Variants in PPP1R1C observed in about 807,000 individuals in gnomAD.
PPP1R1C encodes the protein protein phosphatase 1 regulatory inhibitor subunit 1C, also known as protein phosphatase 1 regulatory subunit 1C.
PPP1R1C carries 15 observed loss-of-function variants against 17.4 expected under a neutral mutation model. That is an observed-to-expected ratio of 0.86 (90% CI 0.58 to 1.33). The LOEUF (loss-of-function observed/expected upper bound fraction) is 1.33, where lower values mean the gene tolerates loss of function less well. Among genes scored for constraint, PPP1R1C ranks in the 40% most tolerant of loss-of-function variants. The pLI, the probability that PPP1R1C is intolerant of heterozygous loss-of-function variation, is 0.00. For synonymous variants in PPP1R1C, 35 were observed against 43.1 expected, an observed-to-expected ratio of 0.81 and a Z score of 0.73; for missense variants, 143 against 130.0, an observed-to-expected ratio of 1.10 and a Z score of -0.48.
chr2:181,968,255 T>C (rs1013261162), intron 1 of PPP1R1C, among the ~76,000 whole-genome samples: 2 of 152,238 alleles, frequency 1.3e-5, no homozygotes, highest in South Asian at 4.1e-4. Flanking sequence ...CTTTGTTGAT[T>C]TTCTGTTTAG....
intron 2 of PPP1R1C, among the ~76,000 whole-genome samples, chr2:182,002,678 A>G (rs1260172308): frequency 6.6e-6 from 1 of 152,132 alleles, no homozygotes; most frequent in African/African-American, 2.4e-5. Context: ...GAACTGAAAA[A>G]CAAAATATTA....
chr2:182,123,436 C>A (rs1689787411), intron 5 of PPP1R1C, among the ~76,000 whole-genome samples: 1 of 152,180 alleles, frequency 6.6e-6, no homozygotes, highest in Non-Finnish European at 1.5e-5. Context: ...ACACTGTCTT[C>A]CACAATGGTT....
chr2:182,116,144 T>C (rs1689575704), intron 4 of PPP1R1C, among the ~76,000 whole-genome samples: 1 of 152,182 alleles, frequency 6.6e-6, no homozygotes, highest in East Asian at 1.9e-4. Flanking sequence ...AGATAGATTA[T>C]TGTGGAACTG....
At chr2:181,997,122 C>T (rs1041408358) in intron 2 of PPP1R1C, among the ~76,000 whole-genome samples, 2 of 151,420 alleles carry the variant, frequency 1.3e-5, no homozygotes, top group African/African-American at 4.9e-5. Context: ...CCAGCTACTC[C>T]GGAGGCTGAG....
At chr2:181,994,412 A>G (rs1685557810) in intron 2 of PPP1R1C, among the ~76,000 whole-genome samples, 2 of 152,108 alleles carry the variant, frequency 1.3e-5, no homozygotes, top group South Asian at 4.1e-4. Flanking sequence ...TTCATACATC[A>G]TCTCTGTTCT....
chr2:182,067,095 G>A (rs1196974303), intron 4 of PPP1R1C, among the ~76,000 whole-genome samples: 1 of 152,062 alleles, frequency 6.6e-6, no homozygotes, highest in Non-Finnish European at 1.5e-5. Context: ...ACTTAAAAAT[G>A]ACTTTGTAGA....
intron 4 of PPP1R1C, among the ~76,000 whole-genome samples, chr2:182,090,900 A>C (rs1282315968): frequency 6.6e-6 from 1 of 152,190 alleles, no homozygotes; most frequent in African/African-American, 2.4e-5. Context: ...AAAACTTTAA[A>C]GTTTGAGAAT....
chr2:182,101,676 C>T (rs375243439), intron 4 of PPP1R1C, among the ~76,000 whole-genome samples: 17 of 152,288 alleles, frequency 1.1e-4, no homozygotes, highest in African/African-American at 2.6e-4. Context: ...ATCTGTAATA[C>T]GGTGTTGGTA....
intron 2 of PPP1R1C, among the ~76,000 whole-genome samples, chr2:182,034,752 C>T (rs1686951882): frequency 6.6e-6 from 1 of 152,136 alleles, no homozygotes; most frequent in African/African-American, 2.4e-5. Context: ...AAAAGGCAGT[C>T]TCATCAAACT....
chr2:182,065,501 A>G (rs997481616), intron 4 of PPP1R1C, among the ~76,000 whole-genome samples: 2 of 152,148 alleles, frequency 1.3e-5, no homozygotes, highest in Admixed American at 6.5e-5. Flanking sequence ...TAATGATACA[A>G]TTGCTCTGAA....
chr2:182,103,144 T>A (rs1168659250), intron 4 of PPP1R1C, among the ~76,000 whole-genome samples: 1 of 152,074 alleles, frequency 6.6e-6, no homozygotes, highest in Non-Finnish European at 1.5e-5. Context: ...TGTCTAAAAG[T>A]TGGGGGGAGG....
chr2:182,091,222 C>G (rs1029754583), intron 4 of PPP1R1C, among the ~76,000 whole-genome samples: 2 of 152,054 alleles, frequency 1.3e-5, no homozygotes, highest in Non-Finnish European at 2.9e-5. Context: ...GCCCCACACC[C>G]AGAAGAATTA....
chr2:182,009,009 C>T (rs542013486), intron 2 of PPP1R1C, among the ~76,000 whole-genome samples: 3 of 152,262 alleles, frequency 2.0e-5, no homozygotes, highest in Non-Finnish European at 2.9e-5. Flanking sequence ...TTACGTATCA[C>T]ATTTTGTTAT....
chr2:182,048,937 C>G (rs181043941), intron 2 of PPP1R1C: 62 of 152,318 alleles, frequency 4.1e-4, no homozygotes, highest in African/African-American at 1.3e-3. Context: ...AATGGAGAAT[C>G]TGCTGAAATG....
At chr2:182,119,350 G>A (rs1356151482), downstream of PPP1R1C, among the ~76,000 whole-genome samples, 22 of 151,958 alleles carry the variant, frequency 1.4e-4, no homozygotes, top group African/African-American at 2.2e-4. Context: ...ATTGTGAATA[G>A]TGCCGCAATA....
At chr2:182,119,832 A>G (rs1010697024), downstream of PPP1R1C, among the ~76,000 whole-genome samples, 92 of 152,268 alleles carry the variant, frequency 6.0e-4, 1 homozygote, top group African/African-American at 2.1e-3. Context: ...GTAGATTGCA[A>G]AAATGTTCTC....
chr2:182,024,408 A>G (rs932513001), intron 2 of PPP1R1C, among the ~76,000 whole-genome samples: 1 of 152,184 alleles, frequency 6.6e-6, no homozygotes, highest in Non-Finnish European at 1.5e-5. Context: ...TTCAGAGCAC[A>G]GTCAATTGAT....
chr2:182,016,561 G>C (rs1212922923), intron 2 of PPP1R1C, among the ~76,000 whole-genome samples: 1 of 152,172 alleles, frequency 6.6e-6, no homozygotes, highest in Non-Finnish European at 1.5e-5. Flanking sequence ...AAATAATACA[G>C]TTATTGGTAC....
At chr2:182,094,986 C>T (rs981091827) in intron 4 of PPP1R1C, among the ~76,000 whole-genome samples, 1 of 152,120 alleles carries the variant, frequency 6.6e-6, no homozygotes, top group African/African-American at 2.4e-5. Flanking sequence ...AGCTCATGAA[C>T]CCCATTTAAG....
Sources: allele counts gnomAD v4.1 joint callset (sites outside exome capture counted in the v4.1 genomes callset), GRCh38; gene constraint gnomAD v4.1.1; transcripts MANE v1.5; gene names NCBI Gene and HGNC (gene_info 2026-07-23, HGNC 2026-07-21).